The following WWC1 variants were observed in gnomAD, a reference collection of about 807,000 sequenced individuals.
The protein encoded by WWC1 is WW and C2 domain containing 1.
WWC1 carries 55 observed loss-of-function variants against 138.4 expected under a neutral mutation model. The observed-to-expected ratio is 0.40, with a 90% confidence interval of 0.32 to 0.50. The LOEUF (loss-of-function observed/expected upper bound fraction) is 0.50. WWC1 is among the 20% of genes least tolerant of loss of function. The pLI, the probability that WWC1 is intolerant of heterozygous loss-of-function variation, is 0.72. For missense variants in WWC1, 1,226 were observed against 1,420.4 expected, an observed-to-expected ratio of 0.86 and a Z score of 2.20; for synonymous variants, 524 against 564.9, an observed-to-expected ratio of 0.93 and a Z score of 1.03.
At chr5:168,403,924 T>TA (rs1334336334) in intron 5 of WWC1, among the ~76,000 whole-genome samples, 196 of 133,236 alleles carry the variant, frequency 1.5e-3, no homozygotes, top group African/African-American at 4.1e-3. Context: ...TTCTTTCCCT[T>TA]AAAAAAAAAA....
At chr5:168,394,483 T>TG (rs147895996) in intron 3 of WWC1, among the ~76,000 whole-genome samples, 20,678 of 151,894 alleles carry the variant, frequency 0.14, 1,436 homozygotes, top group Middle Eastern at 0.19. Context: ...TCCCAGCACT[T>TG]GGGGGGCCGA....
chr5:168,401,505 G>A (rs1235896684), intron 5 of WWC1, among the ~76,000 whole-genome samples: 1 of 152,164 alleles, frequency 6.6e-6, no homozygotes, highest in Non-Finnish European at 1.5e-5. Flanking sequence ...CCTATTAGTT[G>A]AGGGAACTGT....
At chr5:168,298,391 A>G (rs1769755837) in intron 1 of WWC1, among the ~76,000 whole-genome samples, 2 of 152,168 alleles carry the variant, frequency 1.3e-5, no homozygotes, top group South Asian at 4.1e-4. Context: ...GAAGTTACCC[A>G]GAACCTCTTT....
intron 1 of WWC1, among the ~76,000 whole-genome samples, chr5:168,359,717 T>G (rs1475293028): frequency 1.3e-5 from 2 of 152,210 alleles, no homozygotes; most frequent in Non-Finnish European, 2.9e-5. Flanking sequence ...ATATCACTTG[T>G]ATGTGTAAAA....
At chr5:168,444,425 C>A in intron 16 of WWC1, 69 bp from the exon 17 acceptor site, 1 of 1,459,518 alleles carries the variant, frequency 6.9e-7, no homozygotes, top group Non-Finnish European at 9.3e-7. Flanking sequence ...CTCTGAGATG[C>A]TCTGATTCCT....
In WWC1 at chr5:168,421,959, G is replaced by A. The variant is rs543698867; in HGVS notation, c.1185-49G>A. The A allele has an allele frequency of 9.1e-6, 14 of 1,534,732 alleles. No individual in the cohort carries two copies. The South Asian group carries it at 1.6e-4, about 17-fold the overall frequency. On this transcript the variant is annotated intron_variant, in intron 9 of 22. Coordinates refer to ENST00000265293, the MANE Select transcript of WWC1 (RefSeq NM_015238.3). Reference sequence around the variant, plus strand: ...TGGGTGTACATGGGTAAGAGTGCATGCCTGTGCTTCCTTTTGGTGCATCCC... The same window carrying A: ...TGGGTGTACATGGGTAAGAGTGCATACCTGTGCTTCCTTTTGGTGCATCCC...
intron 1 of WWC1, among the ~76,000 whole-genome samples, chr5:168,301,193 T>C (rs1770037441): frequency 6.6e-6 from 1 of 152,246 alleles, no homozygotes; most frequent in South Asian, 2.1e-4. Flanking sequence ...CAAGCTCATT[T>C]TTCCACTATG....
chr5:168,334,932 T>G (rs1342330566), intron 1 of WWC1, among the ~76,000 whole-genome samples: 1 of 152,146 alleles, frequency 6.6e-6, no homozygotes. Flanking sequence ...AGGGTGGGAA[T>G]GTAAACTGGG....
At chr5:168,443,435 T>G (rs1439296885) in intron 16 of WWC1, among the ~76,000 whole-genome samples, 2 of 152,168 alleles carry the variant, frequency 1.3e-5, no homozygotes, top group African/African-American at 4.8e-5. Flanking sequence ...CAAATTACAT[T>G]AAGATGTACA....
At chr5:168,328,361 G>A (rs1252452192) in intron 1 of WWC1, among the ~76,000 whole-genome samples, 2 of 152,108 alleles carry the variant, frequency 1.3e-5, no homozygotes, top group African/African-American at 4.8e-5. Context: ...CAAGTTCTTG[G>A]GACTTGCTCT....
chr5:168,441,956 G>C (rs1458885133), intron 16 of WWC1, 122 bp downstream of exon 16: 1 of 1,376,656 alleles, frequency 7.3e-7, no homozygotes, highest in Non-Finnish European at 9.6e-7. Flanking sequence ...GGTGGAGGAA[G>C]TAGGAGAAGA....
At chr5:168,353,752 G>C (rs946444073) in intron 1 of WWC1, among the ~76,000 whole-genome samples, 2 of 152,132 alleles carry the variant, frequency 1.3e-5, no homozygotes, top group African/African-American at 4.8e-5. Context: ...TATTTATTTG[G>C]CCCGATCACT....
At chr5:168,343,648 C>A (rs997625382) in intron 1 of WWC1, among the ~76,000 whole-genome samples, 2 of 151,986 alleles carry the variant, frequency 1.3e-5, no homozygotes, top group Admixed American at 6.6e-5. Context: ...ATGGTGAAAC[C>A]CCGTCTCTAC....
chr5:168,426,291 G>A (rs1289116523), intron 11 of WWC1, among the ~76,000 whole-genome samples: 2 of 152,240 alleles, frequency 1.3e-5, no homozygotes, highest in South Asian at 2.1e-4. Context: ...AGGAGGGGGT[G>A]CAGGTGGAAC....
At chr5:168,398,204 C>T (rs1355752094) in intron 4 of WWC1, among the ~76,000 whole-genome samples, 4 of 152,062 alleles carry the variant, frequency 2.6e-5, no homozygotes, top group Non-Finnish European at 4.4e-5. Context: ...CCTGGGTTCA[C>T]GGCATTCTCC....
chr5:168,466,284 C>G (rs1449550381), intron 21 of WWC1, among the ~76,000 whole-genome samples: 1 of 151,910 alleles, frequency 6.6e-6, no homozygotes, highest in Non-Finnish European at 1.5e-5. Context: ...AATATGGGAC[C>G]AATATGCAAG....
At chr5:168,388,894 A>C (rs72828898) in intron 3 of WWC1, among the ~76,000 whole-genome samples, 5,785 of 152,188 alleles carry the variant, frequency 0.038, 157 homozygotes, top group Middle Eastern at 0.072. Flanking sequence ...GGCTTTGAAT[A>C]TGGTCCAGAT....
At chr5:168,443,923 A>G (rs576194528) in intron 16 of WWC1, among the ~76,000 whole-genome samples, 10 of 152,338 alleles carry the variant, frequency 6.6e-5, no homozygotes, top group African/African-American at 2.4e-4. Flanking sequence ...ATTAATCTTC[A>G]TAACAACCCT....
chr5:168,292,017 G>T lies in WWC1; in HGVS notation c.-136G>T, dbSNP rs1769087323. The T allele has an allele frequency of 9.4e-7, 1 of 1,062,526 alleles. No homozygotes were observed. Among genetic ancestry groups the T allele is most frequent in the Non-Finnish European group, 1.3e-6 (1 of 799,530 alleles). 65.8% of individuals were successfully genotyped at this position (1,062,526 alleles called of 1,614,324 possible). A position where few individuals can be genotyped will look rare whatever the true frequency, so the allele number is the denominator to read the frequency against. The stretch of plus-strand genomic sequence containing the variant: ...GCCACCCCGGCCGGCCCCTACTAGG[G>T]CCCCCCATCTGCGGGCGCCACCCCC... On this transcript the variant is annotated 5_prime_UTR_variant, in exon 1 of 23. Transcript: ENST00000265293. The surrounding 1 kb of genome is among the most constrained non-coding windows in gnomAD (Gnocchi z 4.4).
Sources: gnomAD v4.1 joint callset for allele counts (sites outside exome capture counted in the v4.1 genomes callset) on GRCh38, gnomAD v4.1.1 for gene constraint, Gnocchi (gnomAD v3.1) non-coding constraint, MANE v1.5 for transcripts, NCBI Gene and HGNC (gene_info 2026-07-23, HGNC 2026-07-21) for gene names.